The following PLA2R1 variants were observed in gnomAD, a reference collection of about 807,000 sequenced individuals.
The protein encoded by PLA2R1 is phospholipase A2 receptor 1, also known as secretory phospholipase A2 receptor.
PLA2R1 carries 158 observed loss-of-function variants against 195.9 expected under a neutral mutation model. The ratio of observed to expected loss-of-function variants is 0.81; its 90% confidence interval spans 0.71 to 0.92. The LOEUF is 0.92. PLA2R1 is among the 40% of genes least tolerant of loss of function. The pLI, the probability that PLA2R1 is intolerant of heterozygous loss-of-function variation, is 0.00. For synonymous variants in PLA2R1, 586 were observed against 598.2 expected (o/e 0.98, Z 0.30); for missense variants, 1,626 against 1,764.6 (o/e 0.92, Z 1.41).
chr2:159,977,835 C>A (rs1912700), intron 14 of PLA2R1, among the ~76,000 whole-genome samples: 3 of 151,680 alleles, frequency 2.0e-5, no homozygotes, highest in Non-Finnish European at 2.9e-5. Flanking sequence ...CCCAGCTACT[C>A]GGGAGAATGG....
At position 159,936,774 on chromosome 2, in the gene PLA2R1, C is replaced by A. The variant is rs1686856255; in HGVS notation, c.*5004G>T. ...GAAGCCCCATGTTCTGGAGGTAGGA[C>A]ACAGCCTGGATCTGTGAGTTACTGC... On this transcript the variant is annotated 3_prime_UTR_variant, in exon 30 of 30. Transcript: ENST00000283243. 1 of 152,192 alleles carries A rather than the reference C, an allele frequency of 6.6e-6. No homozygotes were observed. The allele number at this position is 152,192 out of a possible 1,614,324, so 9.4% of individuals were successfully genotyped here. A position where few individuals can be genotyped will look rare whatever the true frequency, so the allele number is the denominator to read the frequency against.
intron 3 of PLA2R1, among the ~76,000 whole-genome samples, chr2:160,036,868 G>A (rs1694193798): frequency 6.6e-6 from 1 of 150,902 alleles, no homozygotes; most frequent in Non-Finnish European, 1.5e-5. Context: ...ACCCTCGATG[G>A]CTGTGCTGTT....
chr2:159,976,095 T>C lies in PLA2R1; in HGVS notation c.2568A>G (p.Gln856=), dbSNP rs779642794. The change falls in exon 17 of 30, where the codon CAA becomes CAG. Residue 856 remains glutamine, a synonymous_variant. Transcript: ENST00000283243. ...CTTTTATTTTGCTGTGGATGAATTCTTGCTCATGTGCAGAATGAATTGTGA... is the reference window on the plus strand; with the variant it reads ...CTTTTATTTTGCTGTGGATGAATTCCTGCTCATGTGCAGAATGAATTGTGA... ...DLLTIHSAHE[Q]EFIHSKIKAL... 3.1e-6 allele frequency: 5 copies of C among 1,612,910 alleles called. No homozygotes were observed. Among genetic ancestry groups the C allele is most frequent in the South Asian group, 2.2e-5 (2 of 90,900 alleles).
chr2:159,951,550 A>C lies in PLA2R1; in HGVS notation c.3330T>G (p.Ser1110=). ...QDTSGHGVNT[S]DMYPMPNTLE... ...AGGTATTGGGCATTGGATACATATC[A>C]GATGTATTTACACCGTGTCCAGAAG... is the stretch of plus-strand genomic sequence containing the variant. The change falls in exon 24 of 30, where the codon TCT becomes TCG. Residue 1110 remains serine, a synonymous_variant. Transcript: ENST00000283243. The C allele has an allele frequency of 6.3e-7, 1 of 1,583,308 alleles. No homozygotes were observed. Among genetic ancestry groups the C allele is most frequent in the Non-Finnish European group, 8.7e-7 (1 of 1,151,072 alleles).
intron 27 of PLA2R1, chr2:159,945,960 C>A (rs1053839225): frequency 1.1e-6 from 1 of 943,726 alleles, no homozygotes; most frequent in Middle Eastern, 5.4e-4. Flanking sequence ...CAAAACTAAT[C>A]GAGTAAAGAA....
intron 11 of PLA2R1, among the ~76,000 whole-genome samples, chr2:159,994,534 G>T (rs1234271834): frequency 6.6e-6 from 1 of 152,026 alleles, no homozygotes; most frequent in Admixed American, 6.6e-5. Context: ...TTACTTTAAG[G>T]GGTGATAATT....
rs540481677 is a variant in PLA2R1 at position 159,965,077 on chromosome 2, A to G, written c.2904+2462T>C. Among the ~76,000 whole-genome samples, 3 of 152,266 alleles carry G rather than the reference A, an allele frequency of 2.0e-5. No individual in the cohort carries two copies. The South Asian group carries it at 6.2e-4, about 32-fold the overall frequency. ...TTTCCCACCTGATCCACACATACAC[A>G]GCCTCCCGCATTATCACATGCCCCA... is the stretch of plus-strand genomic sequence containing the variant. On this transcript the variant is annotated intron_variant, in intron 20 of 29. Transcript: ENST00000283243.
At chr2:160,051,384 G>A (rs1158069020) in intron 1 of PLA2R1, among the ~76,000 whole-genome samples, 1 of 152,204 alleles carries the variant, frequency 6.6e-6, no homozygotes, top group Non-Finnish European at 1.5e-5. Context: ...AGCTAGTGCT[G>A]GGCTCAAGCC....
Position 159,977,292 on chromosome 2 carries a change from AT to A in PLA2R1, c.2392del (p.Ile798SerfsTer5). On this transcript the variant is annotated frameshift_variant, in exon 15 of 30. Coordinates refer to ENST00000283243, the MANE Select transcript of PLA2R1 (RefSeq NM_007366.5). LOFTEE classifies it high-confidence loss of function. ...CGSKREWICKIPRDVKPKIPF... is the reference protein window; with the variant it reads ...CGSKREWICKXPRDVKPKIPF... ...CTTACTACTATTTTTACCTCTTGGG[AT>A]TTTGCATATCCATTCACGTTTGGAA... is the stretch of plus-strand genomic sequence containing the variant. The A allele has an allele frequency of 6.2e-7, 1 of 1,611,020 alleles. No homozygotes were observed. Among genetic ancestry groups the A allele is most frequent in the South Asian group, 1.1e-5 (1 of 90,874 alleles).
At chr2:160,046,373 T>A (rs1694873320) in intron 1 of PLA2R1, among the ~76,000 whole-genome samples, 2 of 152,186 alleles carry the variant, frequency 1.3e-5, no homozygotes, top group Admixed American at 1.3e-4. Flanking sequence ...TAGGGTTCCC[T>A]CCAATGTCTG....
At position 159,934,422 on chromosome 2, in the gene PLA2R1, T is replaced by G. The variant is rs1574622736; in HGVS notation, c.*7356A>C. The stretch of plus-strand genomic sequence containing the variant: ...TTAGGTAAGTTGGAGACACACAGGG[T>G]TTTGCCCTGCTTCTCATCTGAGACA... On this transcript the variant is annotated 3_prime_UTR_variant, in exon 30 of 30. Coordinates refer to ENST00000283243, the MANE Select transcript of PLA2R1 (RefSeq NM_007366.5). 1 of 152,104 alleles carries G rather than the reference T, an allele frequency of 6.6e-6. No individual in the cohort carries two copies. 9.4% of individuals were successfully genotyped at this position (152,104 alleles called of 1,614,324 possible). A position where few individuals can be genotyped will look rare whatever the true frequency, so the allele number is the denominator to read the frequency against.
At chr2:160,052,342 C>T (rs775708636) in intron 1 of PLA2R1, among the ~76,000 whole-genome samples, 15 of 152,344 alleles carry the variant, frequency 9.8e-5, no homozygotes, top group East Asian at 5.8e-4. Flanking sequence ...TGGCCATTCC[C>T]GTTCCCTCCT....
chr2:159,979,825 CT>C lies in PLA2R1; in HGVS notation c.2268+4del. 6.4e-7 allele frequency: 1 copy of C among 1,556,868 alleles called. No individual in the cohort carries two copies. The highest frequency in any genetic ancestry group is 8.9e-7 in the Non-Finnish European group (1 of 1,129,624). ...ATCCCTTTTCTCCAGTTTGAAAAGA[CT>C]TACAGGAGTTCTATCAGACCACTCC... On this transcript the variant is annotated splice_donor_region_variant and intron_variant, in intron 14 of 29. Coordinates refer to ENST00000283243, the MANE Select transcript of PLA2R1 (RefSeq NM_007366.5).
intron 24 of PLA2R1, 81 bp downstream of exon 24, chr2:159,951,259 A>C: frequency 1.3e-6 from 1 of 770,524 alleles, no homozygotes; most frequent in Non-Finnish European, 2.2e-6. Context: ...TTTCAGTGCT[A>C]ATTTCAGTGG....
intron 25 of PLA2R1, 141 bp downstream of exon 25, chr2:159,949,467 C>A (rs1687587723): frequency 3.6e-6 from 2 of 561,262 alleles, no homozygotes; most frequent in Admixed American, 3.0e-5. Flanking sequence ...TTCTGTTATT[C>A]TTTACATCAC....
intron 13 of PLA2R1, among the ~76,000 whole-genome samples, chr2:159,983,023 A>G (rs532166671): frequency 6.6e-6 from 1 of 152,200 alleles, no homozygotes; most frequent in Admixed American, 6.5e-5. Flanking sequence ...TGACAAGAAC[A>G]TTCCAAAGTG....
At chr2:159,965,326 G>A (rs902913333) in intron 20 of PLA2R1, among the ~76,000 whole-genome samples, 3 of 152,078 alleles carry the variant, frequency 2.0e-5, no homozygotes, top group African/African-American at 7.2e-5. Context: ...GCAACACCTG[G>A]CAACCACTGA....
intron 11 of PLA2R1, among the ~76,000 whole-genome samples, chr2:160,005,339 G>A (rs1691902599): frequency 6.6e-6 from 1 of 151,574 alleles, no homozygotes; most frequent in Admixed American, 6.6e-5. Context: ...GGAGGCTGAG[G>A]TGGGAGAATC....
At chr2:160,057,584 T>C (rs1052903188) in intron 1 of PLA2R1, among the ~76,000 whole-genome samples, 1 of 152,200 alleles carries the variant, frequency 6.6e-6, no homozygotes, top group Non-Finnish European at 1.5e-5. Flanking sequence ...AATGTCTTTT[T>C]ATGAGCCTCC....
Sources: gnomAD v4.1 joint callset for allele counts (sites outside exome capture counted in the v4.1 genomes callset) on GRCh38, gnomAD v4.1.1 for gene constraint, MANE v1.5 for transcripts, NCBI Gene and HGNC (gene_info 2026-07-23, HGNC 2026-07-21) for gene names.